Variants in OPCML observed in about 807,000 individuals in gnomAD.
OPCML encodes opioid-binding protein/cell adhesion molecule.
OPCML carries 13 observed loss-of-function variants against 37.8 expected under a neutral mutation model. That is an observed-to-expected ratio of 0.34 (90% CI 0.22 to 0.55). The LOEUF (loss-of-function observed/expected upper bound fraction) is 0.55, where lower values mean the gene tolerates loss of function less well. Among genes scored for constraint, OPCML ranks in the 20% least tolerant of loss-of-function variants. The pLI is 0.91. For missense variants in OPCML, 341 were observed against 435.6 expected (o/e 0.78, Z 1.93); for synonymous variants, 176 against 168.8 (o/e 1.04, Z -0.33).
At chr11:133,512,924 T>C (rs1359922643) in intron 1 of OPCML, among the ~76,000 whole-genome samples, 1 of 152,180 alleles carries the variant, frequency 6.6e-6, no homozygotes, top group Admixed American at 6.5e-5. Context: ...TATATCACAA[T>C]ATCACACCAT....
chr11:132,902,938 A>G (rs577266738), intron 2 of OPCML, among the ~76,000 whole-genome samples: 8 of 151,918 alleles, frequency 5.3e-5, no homozygotes, highest in African/African-American at 1.2e-4. Flanking sequence ...CTTTGTTTGC[A>G]GTGAAGTTCT....
chr11:132,564,446 C>G (rs972414745), intron 3 of OPCML, among the ~76,000 whole-genome samples: 3 of 152,194 alleles, frequency 2.0e-5, no homozygotes, highest in Non-Finnish European at 4.4e-5. Context: ...GAGAACACAT[C>G]TCTTATTTCT....
At chr11:132,494,840 G>C (rs766702113) in intron 4 of OPCML, among the ~76,000 whole-genome samples, 1 of 152,172 alleles carries the variant, frequency 6.6e-6, no homozygotes, top group Non-Finnish European at 1.5e-5. Flanking sequence ...AATGGAACAT[G>C]ACACCTGTAA....
At chr11:133,106,144 T>C (rs1022138849) in intron 1 of OPCML, among the ~76,000 whole-genome samples, 2 of 152,218 alleles carry the variant, frequency 1.3e-5, no homozygotes, top group Non-Finnish European at 2.9e-5. Flanking sequence ...GTTCTAACAG[T>C]TGCTCCAATT....
At chr11:132,780,639 A>G (rs1480214697) in intron 2 of OPCML, among the ~76,000 whole-genome samples, 1 of 152,232 alleles carries the variant, frequency 6.6e-6, no homozygotes, top group African/African-American at 2.4e-5. Flanking sequence ...GGAATGTAAC[A>G]GGTAAAGATT....
At chr11:133,445,299 G>A (rs1380572746) in intron 1 of OPCML, among the ~76,000 whole-genome samples, 5 of 152,168 alleles carry the variant, frequency 3.3e-5, no homozygotes, top group African/African-American at 1.2e-4. Flanking sequence ...ATGGGTTTGG[G>A]TTAAATGACA....
intron 1 of OPCML, among the ~76,000 whole-genome samples, chr11:133,480,014 G>C (rs973405063): frequency 2.0e-4 from 31 of 152,274 alleles, no homozygotes; most frequent in Non-Finnish European, 2.8e-4. Flanking sequence ...TTCTAAAAGG[G>C]GCAGTGCCTA....
intron 1 of OPCML, among the ~76,000 whole-genome samples, chr11:133,390,441 T>A (rs934805888): frequency 1.2e-4 from 18 of 151,786 alleles, no homozygotes; most frequent in Admixed American, 9.2e-4. Context: ...CCAGCCCGGG[T>A]GACAGAACAA....
intron 1 of OPCML, among the ~76,000 whole-genome samples, chr11:133,060,631 A>C (rs905579893): frequency 6.6e-6 from 1 of 152,210 alleles, no homozygotes; most frequent in African/African-American, 2.4e-5. Context: ...GCATGACAGG[A>C]CCTGCCAGGT....
At chr11:132,804,689 C>T (rs1938893507) in intron 2 of OPCML, among the ~76,000 whole-genome samples, 1 of 152,138 alleles carries the variant, frequency 6.6e-6, no homozygotes, top group Non-Finnish European at 1.5e-5. Context: ...CTAGAAAAGC[C>T]TCAAACGAAG....
chr11:133,242,927 A>G (rs1211262212), intron 1 of OPCML, among the ~76,000 whole-genome samples: 1 of 152,272 alleles, frequency 6.6e-6, no homozygotes, highest in African/African-American at 2.4e-5. Flanking sequence ...TTAGAAAAAA[A>G]TAGTAAAAAA....
At chr11:133,458,290 GTGTGTGTA>G (rs1946734859) in intron 1 of OPCML, among the ~76,000 whole-genome samples, 1 of 57,874 alleles carries the variant, frequency 1.7e-5, no homozygotes, top group East Asian at 5.1e-4. Context: ...ATATATACAC[GTGTGTGTA>G]TATATATACA....
chr11:132,709,661 C>T (rs1040447745), intron 2 of OPCML, among the ~76,000 whole-genome samples: 2 of 152,122 alleles, frequency 1.3e-5, no homozygotes, highest in Non-Finnish European at 2.9e-5. Flanking sequence ...AATCCTCCAC[C>T]GTAAAGTTAC....
intron 1 of OPCML, among the ~76,000 whole-genome samples, chr11:133,369,243 T>C (rs531871718): frequency 6.6e-6 from 1 of 152,252 alleles, no homozygotes. Context: ...ATGTTATGCA[T>C]AGAAATTTCT....
At chr11:132,663,973 C>A (rs1414358800) in intron 2 of OPCML, among the ~76,000 whole-genome samples, 1 of 152,274 alleles carries the variant, frequency 6.6e-6, no homozygotes, top group East Asian at 1.9e-4. Flanking sequence ...GCTGGGATTA[C>A]AGGCGCCCGC....
chr11:132,489,225 C>T (rs1290204533), intron 4 of OPCML, among the ~76,000 whole-genome samples: 6 of 152,068 alleles, frequency 3.9e-5, no homozygotes, highest in African/African-American at 1.2e-4. Context: ...CATCACTATC[C>T]CTGTCTTCCA....
intron 1 of OPCML, among the ~76,000 whole-genome samples, chr11:133,178,438 A>C (rs1440150429): frequency 1.3e-5 from 2 of 150,918 alleles, no homozygotes; most frequent in Admixed American, 6.6e-5. Context: ...TTCAAATATG[A>C]ATATATATAT....
intron 4 of OPCML, among the ~76,000 whole-genome samples, chr11:132,451,745 C>T (rs1279757187): frequency 6.6e-6 from 1 of 152,118 alleles, no homozygotes; most frequent in Non-Finnish European, 1.5e-5. Context: ...GGCCATCCAT[C>T]CCATCAGAAC....
At chr11:132,562,607 TGTGTGTTTAATACCCCA>T (rs1419825158) in intron 3 of OPCML, among the ~76,000 whole-genome samples, 2 of 152,080 alleles carry the variant, frequency 1.3e-5, no homozygotes, top group African/African-American at 4.8e-5. Context: ...AAGATTATCT[TGTGTGTTTAATACCCCA>T]GTGTGCCTGA....
Sources: gnomAD v4.1 joint callset for allele counts (sites outside exome capture counted in the v4.1 genomes callset) on GRCh38, gnomAD v4.1.1 for gene constraint, MANE v1.5 for transcripts, NCBI Gene and HGNC (gene_info 2026-07-23, HGNC 2026-07-21) for gene names.